CTNND2: variants seen among roughly 807,000 people sequenced by gnomAD.
CTNND2 encodes the protein catenin delta 2, also known as catenin delta-2.
A neutral mutation model predicts 144.4 loss-of-function variants in CTNND2; 22 were observed. That is an observed-to-expected ratio of 0.15 (90% CI 0.11 to 0.22). The LOEUF is 0.22. CTNND2 is among the 10% of genes least tolerant of loss of function. CTNND2 has a pLI of 1.00. For synonymous variants in CTNND2, 751 were observed against 695.6 expected, an observed-to-expected ratio of 1.08 and a Z score of -1.25; for missense variants, 1,353 against 1,618.8, an observed-to-expected ratio of 0.84 and a Z score of 2.82.
intron 2 of CTNND2, among the ~76,000 whole-genome samples, chr5:11,612,835 G>A (rs76002453): frequency 0.015 from 2,233 of 152,204 alleles, 60 homozygotes; most frequent in African/African-American, 0.051. Flanking sequence ...TAGAGGTTGA[G>A]GCTGCAATGA....
chr5:11,724,816 C>A (rs1008726003), intron 2 of CTNND2, among the ~76,000 whole-genome samples: 1 of 152,026 alleles, frequency 6.6e-6, no homozygotes, highest in Non-Finnish European at 1.5e-5. Context: ...GTGTAACTTG[C>A]GAAAATGCAT....
chr5:11,554,020 A>C (rs1019279036), intron 3 of CTNND2, among the ~76,000 whole-genome samples: 1 of 152,212 alleles, frequency 6.6e-6, no homozygotes, highest in Non-Finnish European at 1.5e-5. Flanking sequence ...AACCTTTCTA[A>C]GGCCCTACAT....
rs141112049 is a variant in CTNND2, at chr5:11,525,277, G to A, written c.287+39667C>T. Among the ~76,000 whole-genome samples, 10 of 152,120 alleles carry A rather than the reference G, an allele frequency of 6.6e-5. No individual in the cohort carries two copies. The East Asian group carries it at 9.7e-4, about 15-fold the overall frequency. On this transcript the variant is annotated intron_variant, in intron 3 of 21. Coordinates refer to ENST00000304623, the MANE Select transcript of CTNND2 (RefSeq NM_001332.4). ...TGTGCTGAATTTTTAACAGGAAACC[G>A]CCTCTTTGTGTAGTCCCTTCCCCAG...
intron 7 of CTNND2, among the ~76,000 whole-genome samples, chr5:11,379,603 T>C (rs527769294): frequency 5.6e-4 from 86 of 152,238 alleles, no homozygotes; most frequent in Middle Eastern, 6.8e-3. Flanking sequence ...GGAAAAAATA[T>C]AAAAAGTAGG....
chr5:11,711,665 C>T (rs548707024), intron 2 of CTNND2, among the ~76,000 whole-genome samples: 9 of 152,250 alleles, frequency 5.9e-5, no homozygotes, highest in South Asian at 2.1e-4. Context: ...ATAAAACTGA[C>T]GCACAGAGAG....
At chr5:11,761,778 A>G (rs1409824263) in intron 1 of CTNND2, among the ~76,000 whole-genome samples, 1 of 152,152 alleles carries the variant, frequency 6.6e-6, no homozygotes, top group East Asian at 1.9e-4. Flanking sequence ...AACACTAATT[A>G]TTTCTGGTAT....
At chr5:11,422,639 T>A (rs1322299423) in intron 3 of CTNND2, among the ~76,000 whole-genome samples, 2 of 72,834 alleles carry the variant, frequency 2.7e-5, no homozygotes, top group South Asian at 3.8e-4. Flanking sequence ...CAGGGAGAAT[T>A]CACATTAAAT....
In CTNND2 at chr5:11,187,543, G is replaced by A. The variant is rs181896596; in HGVS notation, c.1975+11905C>T. 2.6e-5 allele frequency among the ~76,000 whole-genome samples: 4 copies of A among 152,234 alleles called. No homozygotes were observed. The East Asian group carries it at 5.8e-4, about 22-fold the overall frequency. On this transcript the variant is annotated intron_variant, in intron 11 of 21. Coordinates refer to ENST00000304623, the MANE Select transcript of CTNND2 (RefSeq NM_001332.4). Reference sequence around the variant, plus strand: ...GCAATACCATTCAGGACATAGGCACGGGTAAAGATTTCATGACGAATACAT... The same window carrying A: ...GCAATACCATTCAGGACATAGGCACAGGTAAAGATTTCATGACGAATACAT...
intron 3 of CTNND2, among the ~76,000 whole-genome samples, chr5:11,515,479 T>C (rs1010814510): frequency 6.6e-6 from 1 of 152,212 alleles, no homozygotes; most frequent in Non-Finnish European, 1.5e-5. Context: ...TTTAAATTTA[T>C]GGTTAAGAGG....
In CTNND2 at chr5:11,044,543, T is replaced by A. The variant is rs868617009; in HGVS notation, c.2789-21564A>T. On this transcript the variant is annotated intron_variant, in intron 16 of 21. Coordinates refer to ENST00000304623, the MANE Select transcript of CTNND2 (RefSeq NM_001332.4). ...AACACATGCTTGCAAAAAAAAAAAA[T>A]ACATATATATATATATATATAAATG... Among the ~76,000 whole-genome samples, 88 of 83,144 alleles carry A rather than the reference T, an allele frequency of 1.1e-3. 1 individual carries two copies. Among genetic ancestry groups the A allele is most frequent in the African/African-American group, 8.5e-3 (85 of 10,026 alleles). The allele number at this position is 83,144 out of a possible 152,430, so 54.5% of individuals were successfully genotyped here.
chr5:11,586,838 AT>A (rs908286059), intron 2 of CTNND2, among the ~76,000 whole-genome samples: 8 of 151,926 alleles, frequency 5.3e-5, no homozygotes, highest in South Asian at 2.1e-4. Context: ...AATTCTCACA[AT>A]TTTTTTTATT....
chr5:11,778,459 A>T (rs1267927889), intron 1 of CTNND2, among the ~76,000 whole-genome samples: 1 of 152,224 alleles, frequency 6.6e-6, no homozygotes, highest in East Asian at 1.9e-4. Flanking sequence ...GAGATGAGCC[A>T]TGCTTGACAG....
rs145797556 is a variant in CTNND2 at position 11,108,395 on chromosome 5, T to G, written c.2463+2463A>C. Among the ~76,000 whole-genome samples, 172 of 152,338 alleles carry G rather than the reference T, an allele frequency of 1.1e-3. 1 individual carries two copies. Among genetic ancestry groups the G allele is most frequent in the African/African-American group, 4.1e-3 (169 of 41,576 alleles). On this transcript the variant is annotated intron_variant, in intron 14 of 21. Coordinates refer to ENST00000304623, the MANE Select transcript of CTNND2 (RefSeq NM_001332.4). Reference sequence around the variant, plus strand: ...TGCTTTTATGCATAAAACAGCACCGTGTATATCACAGGTGAATCTTCCAGT... The same window carrying G: ...TGCTTTTATGCATAAAACAGCACCGGGTATATCACAGGTGAATCTTCCAGT...
At chr5:11,107,604 T>C (rs534741612) in intron 14 of CTNND2, among the ~76,000 whole-genome samples, 2 of 152,382 alleles carry the variant, frequency 1.3e-5, no homozygotes, top group East Asian at 3.9e-4. Flanking sequence ...TCTCCAGGGA[T>C]ACTTTTTGAC....
intron 2 of CTNND2, among the ~76,000 whole-genome samples, chr5:11,566,259 T>A (rs953836800): frequency 1.3e-5 from 2 of 152,192 alleles, no homozygotes; most frequent in African/African-American, 4.8e-5. Context: ...CCCTTTAAGG[T>A]GCTGAAACTG....
At chr5:11,835,115 G>A (rs1230675556) in intron 1 of CTNND2, among the ~76,000 whole-genome samples, 2 of 152,186 alleles carry the variant, frequency 1.3e-5, no homozygotes, top group African/African-American at 4.8e-5. Context: ...TCCAGCCTGA[G>A]CAACAGACTG....
intron 2 of CTNND2, among the ~76,000 whole-genome samples, chr5:11,571,250 T>C (rs944415659): frequency 1.8e-4 from 28 of 152,154 alleles, no homozygotes; most frequent in African/African-American, 6.5e-4. Context: ...AGTCTGCTCA[T>C]ATGTGACTGT....
chr5:11,529,234 CA>C (rs60000220), intron 3 of CTNND2, among the ~76,000 whole-genome samples: 5 of 151,944 alleles, frequency 3.3e-5, no homozygotes, highest in Non-Finnish European at 7.4e-5. Context: ...ATTAGCTGTG[CA>C]AAAAACTGGC....
intron 3 of CTNND2, among the ~76,000 whole-genome samples, chr5:11,467,011 A>G (rs564346730): frequency 4.6e-5 from 7 of 152,242 alleles, no homozygotes; most frequent in Non-Finnish European, 7.3e-5. Flanking sequence ...GAGCCAGGAC[A>G]GCTCAGGACA....
Sources: allele counts gnomAD v4.1 joint callset (sites outside exome capture counted in the v4.1 genomes callset), GRCh38; gene constraint gnomAD v4.1.1; transcripts MANE v1.5; gene names NCBI Gene and HGNC (gene_info 2026-07-23, HGNC 2026-07-21).